Variants in BICD1 observed in about 807,000 individuals in gnomAD.
The protein encoded by BICD1 is BICD cargo adaptor 1.
BICD1 carries 35 observed loss-of-function variants against 92.5 expected under a neutral mutation model. The ratio of observed to expected loss-of-function variants is 0.38; its 90% confidence interval spans 0.29 to 0.50. BICD1 has a LOEUF of 0.50. BICD1 is among the 20% of genes least tolerant of loss of function. The pLI is 0.93. For synonymous variants in BICD1, 429 were observed against 465.1 expected (o/e 0.92, Z 1.00); for missense variants, 950 against 1,189.8 (o/e 0.80, Z 2.97).
At chr12:32,316,286 CTT>C (rs77628895) in intron 4 of BICD1, among the ~76,000 whole-genome samples, 3 of 147,396 alleles carry the variant, frequency 2.0e-5, no homozygotes, top group African/African-American at 5.0e-5. Flanking sequence ...ATGATATTTT[CTT>C]TTTTTTTTTC....
chr12:32,214,823 C>A (rs1233700585), intron 1 of BICD1, among the ~76,000 whole-genome samples: 2 of 151,910 alleles, frequency 1.3e-5, no homozygotes, highest in Non-Finnish European at 2.9e-5. Flanking sequence ...CAGCTAGGTT[C>A]TTTTGTTACT....
intron 1 of BICD1, among the ~76,000 whole-genome samples, chr12:32,160,445 T>A (rs74074440): frequency 0.04 from 6,023 of 152,222 alleles, 396 homozygotes; most frequent in African/African-American, 0.14. Flanking sequence ...CTAAAATAAA[T>A]GTAACCACTC....
chr12:32,310,308 G>C (rs1051030255), intron 4 of BICD1, among the ~76,000 whole-genome samples: 69 of 152,238 alleles, frequency 4.5e-4, no homozygotes, highest in African/African-American at 1.5e-3. Context: ...TGACACATCA[G>C]TGCTTAGCAG....
intron 4 of BICD1, among the ~76,000 whole-genome samples, chr12:32,306,972 G>T (rs551311031): frequency 6.6e-6 from 1 of 151,654 alleles, no homozygotes; most frequent in Non-Finnish European, 1.5e-5. Flanking sequence ...AGCCGAGATC[G>T]CCATTGCACT....
At chr12:32,295,077 G>A (rs183810171) in intron 3 of BICD1, among the ~76,000 whole-genome samples, 3 of 86,504 alleles carry the variant, frequency 3.5e-5, no homozygotes, top group Admixed American at 1.3e-4. Context: ...GTGAGATTCC[G>A]TCTCGAAAAA....
At chr12:32,260,949 G>T (rs914391579) in intron 2 of BICD1, among the ~76,000 whole-genome samples, 23 of 152,248 alleles carry the variant, frequency 1.5e-4, no homozygotes, top group Middle Eastern at 3.4e-3. Flanking sequence ...CTTTTCCCTT[G>T]TCTGATTTCC....
intron 1 of BICD1, chr12:32,108,334 A>G (rs1439320774): frequency 3.1e-5 from 7 of 226,274 alleles, no homozygotes; most frequent in Non-Finnish European, 6.1e-5. Context: ...GGTGATGTAT[A>G]ATGTCTCTTT....
intron 4 of BICD1, among the ~76,000 whole-genome samples, chr12:32,318,345 C>A (rs1465870202): frequency 6.6e-6 from 1 of 152,194 alleles, no homozygotes; most frequent in Non-Finnish European, 1.5e-5. Flanking sequence ...TACCCATGAG[C>A]ATGGAATGTT....
At chr12:32,245,679 G>A (rs1462051242) in intron 2 of BICD1, among the ~76,000 whole-genome samples, 2 of 152,020 alleles carry the variant, frequency 1.3e-5, no homozygotes, top group African/African-American at 4.8e-5. Context: ...AATTAAATGA[G>A]GTAATGCAAA....
chr12:32,332,950 A>T, intron 5 of BICD1: 1 of 985,410 alleles, frequency 1.0e-6, no homozygotes, highest in Non-Finnish European at 1.2e-6. Flanking sequence ...TGGATACTTA[A>T]AATTACTTAA....
In BICD1 at chr12:32,327,492, A is replaced by T; in HGVS notation, c.1037A>T (p.Asn346Ile). 1 of 1,609,860 alleles carries T rather than the reference A, an allele frequency of 6.2e-7. No individual in the cohort carries two copies. The highest frequency in any genetic ancestry group is 1.1e-5 in the South Asian group (1 of 90,530). The part of the protein sequence containing the change: ...VEREKAILLA[N>I]LQESQTQLEH... ...CGGGAAAAGGCCATTCTTTTGGCCA[A>T]CCTACAGGAGTCACAGACACAGCTG... is the stretch of plus-strand genomic sequence containing the variant. The change falls in exon 5 of 10, where the codon AAC becomes ATC. Residue 346 changes from asparagine to isoleucine, a missense_variant. By Grantham distance (149) the Asn-to-Ile change is moderately radical. Transcript: ENST00000652176.
intron 3 of BICD1, 71 bp downstream of exon 3, chr12:32,294,217 C>A: frequency 7.3e-7 from 1 of 1,376,692 alleles, no homozygotes; most frequent in South Asian, 1.4e-5. Flanking sequence ...GTTAAATCTC[C>A]AAACTTGTCA....
chr12:32,110,378 G>A (rs1290458177), intron 1 of BICD1, among the ~76,000 whole-genome samples: 1 of 152,182 alleles, frequency 6.6e-6, no homozygotes, highest in Non-Finnish European at 1.5e-5. Flanking sequence ...TCAGCTCACA[G>A]AAGAACACAC....
At chr12:32,216,520 A>G in intron 2 of BICD1, 61 bp downstream of exon 2, 2 of 1,523,486 alleles carry the variant, frequency 1.3e-6, no homozygotes, top group Non-Finnish European at 9.0e-7. Flanking sequence ...AGTTCTCTCC[A>G]TAGCAGAGAG....
chr12:32,107,219 ACTTT>A lies in BICD1; in HGVS notation c.-108_-105del. 3 of 1,034,390 alleles carry A rather than the reference ACTTT, an allele frequency of 2.9e-6. No individual in the cohort carries two copies. Among genetic ancestry groups the A allele is most frequent in the African/African-American group, 1.6e-5 (1 of 61,744 alleles). The allele number at this position is 1,034,390 out of a possible 1,614,324, so 64.1% of individuals were successfully genotyped here. A position where few individuals can be genotyped will look rare whatever the true frequency, so the allele number is the denominator to read the frequency against. On this transcript the variant is annotated 5_prime_UTR_variant, in exon 1 of 10. Transcript: ENST00000652176. ...TCGCGCTGCTCATTCATCCGGCCGC[ACTTT>A]CTTTTCCGTTTCCACCCATCCCTTC...
intron 1 of BICD1, among the ~76,000 whole-genome samples, chr12:32,123,475 A>T (rs780322629): frequency 6.6e-6 from 1 of 152,246 alleles, no homozygotes; most frequent in African/African-American, 2.4e-5. Context: ...TCAGTATCCC[A>T]TGAGGTATAT....
At chr12:32,376,281 G>A (rs1439684409) in intron 9 of BICD1, among the ~76,000 whole-genome samples, 1 of 151,882 alleles carries the variant, frequency 6.6e-6, no homozygotes, top group Non-Finnish European at 1.5e-5. Context: ...TAGAGACAGG[G>A]TTTCACCATG....
intron 8 of BICD1, among the ~76,000 whole-genome samples, chr12:32,364,307 T>C (rs1380170063): frequency 6.6e-6 from 1 of 152,154 alleles, no homozygotes; most frequent in Non-Finnish European, 1.5e-5. Flanking sequence ...TGTGGTCTAG[T>C]TCCTTCAAGG....
chr12:32,323,985 C>A (rs1948715094), intron 4 of BICD1, among the ~76,000 whole-genome samples: 1 of 152,116 alleles, frequency 6.6e-6, no homozygotes, highest in Admixed American at 6.5e-5. Context: ...TGAGAGTTAA[C>A]CTTTTATTTC....
Sources: allele counts gnomAD v4.1 joint callset (sites outside exome capture counted in the v4.1 genomes callset), GRCh38; gene constraint gnomAD v4.1.1; transcripts MANE v1.5; gene names NCBI Gene and HGNC (gene_info 2026-07-23, HGNC 2026-07-21).